SUGCT: variants seen among roughly 807,000 people sequenced by gnomAD.
SUGCT encodes the protein succinyl-CoA:glutarate-CoA transferase, also known as succinyl-CoA:glutarate CoA-transferase.
A neutral mutation model predicts 55.0 loss-of-function variants in SUGCT; 41 were observed. The observed-to-expected ratio is 0.74, with a 90% CI of 0.58 to 0.97. The LOEUF (loss-of-function observed/expected upper bound fraction) is 0.97. SUGCT is among the 50% of genes least tolerant of loss of function. The pLI is 0.00. For synonymous variants in SUGCT, 187 were observed against 200.4 expected, an observed-to-expected ratio of 0.93 and a Z score of 0.56; for missense variants, 568 against 547.8, an observed-to-expected ratio of 1.04 and a Z score of -0.37.
At chr7:40,944,147 T>G in the SUGCT span, among the ~76,000 whole-genome samples, 234 of 152,324 alleles carry the variant, frequency 1.5e-3, no homozygotes, top group African/African-American at 5.5e-3. Flanking sequence ...TTCTTGTAAA[T>G]TTGTTTGAAT....
chr7:40,639,494 A>G (rs929709932), intron 12 of SUGCT, among the ~76,000 whole-genome samples: 3 of 151,764 alleles, frequency 2.0e-5, no homozygotes, highest in Non-Finnish European at 4.4e-5. Flanking sequence ...AAGAAAGGTA[A>G]TAATATATGC....
At chr7:40,842,381 C>CA (rs1038035903) in intron 13 of SUGCT, among the ~76,000 whole-genome samples, 7 of 152,036 alleles carry the variant, frequency 4.6e-5, no homozygotes, top group Admixed American at 3.9e-4. Flanking sequence ...TAAAGTCTGA[C>CA]AGTGTTTTCC....
At chr7:40,890,875 G>A in the SUGCT span, among the ~76,000 whole-genome samples, 1 of 152,124 alleles carries the variant, frequency 6.6e-6, no homozygotes, top group African/African-American at 2.4e-5. Flanking sequence ...TCTTAAAGAA[G>A]TTCAGTGAGA....
chr7:40,775,055 A>G (rs1789384758), intron 13 of SUGCT, among the ~76,000 whole-genome samples: 3 of 152,192 alleles, frequency 2.0e-5, no homozygotes, highest in Admixed American at 6.5e-5. Context: ...TGGAATTTCA[A>G]CTGTGGTGTT....
intron 13 of SUGCT, among the ~76,000 whole-genome samples, chr7:40,844,668 G>A (rs559722405): frequency 6.6e-4 from 101 of 152,314 alleles, no homozygotes; most frequent in Non-Finnish European, 1.2e-3. Context: ...GGATGTTAAA[G>A]TTCTCATTTT....
chr7:40,431,595 T>A (rs1435332936), intron 9 of SUGCT, among the ~76,000 whole-genome samples: 1 of 152,196 alleles, frequency 6.6e-6, no homozygotes, highest in Non-Finnish European at 1.5e-5. Flanking sequence ...TCTTTTATTC[T>A]GTTTTCAGTT....
intron 9 of SUGCT, among the ~76,000 whole-genome samples, chr7:40,322,818 T>C (rs1044416951): frequency 1.3e-5 from 2 of 152,014 alleles, no homozygotes; most frequent in Non-Finnish European, 2.9e-5. Context: ...CTAGGCATGA[T>C]GGCACAAGCC....
At chr7:40,649,442 T>C (rs1800672248) in intron 12 of SUGCT, among the ~76,000 whole-genome samples, 1 of 152,210 alleles carries the variant, frequency 6.6e-6, no homozygotes, top group African/African-American at 2.4e-5. Flanking sequence ...TTGCCCTAAG[T>C]TACTAGATAA....
chr7:40,511,069 A>G lies in SUGCT; in HGVS notation c.1089+14683A>G, dbSNP rs1050348456. Among the ~76,000 whole-genome samples the G allele has an allele frequency of 2.6e-5, 4 of 152,200 alleles. No homozygotes were observed. In the South Asian group the frequency reaches 6.2e-4, roughly 24 times the overall value. Reference sequence around the variant, plus strand: ...TAGATAGAGTGCTGTTGCTGTGTACATAGTTTTCACAGTTAGACATAGTAT... The same window carrying G: ...TAGATAGAGTGCTGTTGCTGTGTACGTAGTTTTCACAGTTAGACATAGTAT... On this transcript the variant is annotated intron_variant, in intron 12 of 13. Coordinates refer to ENST00000335693, the MANE Select transcript of SUGCT (RefSeq NM_001193313.2).
intron 13 of SUGCT, among the ~76,000 whole-genome samples, chr7:40,812,342 A>C (rs756911413): frequency 6.6e-5 from 10 of 152,112 alleles, no homozygotes; most frequent in African/African-American, 2.4e-4. Flanking sequence ...CTGTGAATTC[A>C]TCTGGTCTGG....
At chr7:40,727,052 ATATAT>A (rs1786647698) in intron 12 of SUGCT, among the ~76,000 whole-genome samples, 1 of 152,210 alleles carries the variant, frequency 6.6e-6, no homozygotes, top group Non-Finnish European at 1.5e-5. Flanking sequence ...ATAATGACTA[ATATAT>A]TAGTAGTCAT....
rs371146668 is a variant in SUGCT at position 40,235,189 on chromosome 7, G to A, written c.485-2446G>A. On this transcript the variant is annotated intron_variant, in intron 6 of 13. Coordinates refer to ENST00000335693, the MANE Select transcript of SUGCT (RefSeq NM_001193313.2). ...ATATTAAGTGATAATTTTATCTGTG[G>A]AGTTTGTTTTACATACTCTTATTTG... is the stretch of plus-strand genomic sequence containing the variant. Among the ~76,000 whole-genome samples, 23 of 151,790 alleles carry A rather than the reference G, an allele frequency of 1.5e-4. No homozygotes were observed. In the South Asian group the frequency reaches 4.8e-3, roughly 32 times the overall value.
intron 12 of SUGCT, among the ~76,000 whole-genome samples, chr7:40,698,208 G>A (rs920848102): frequency 2.0e-5 from 3 of 152,214 alleles, no homozygotes; most frequent in African/African-American, 7.2e-5. Flanking sequence ...AGAGGTAAAG[G>A]TGGTATCTAT....
At chr7:40,648,832 T>C (rs910685670) in intron 12 of SUGCT, among the ~76,000 whole-genome samples, 15 of 152,148 alleles carry the variant, frequency 9.9e-5, no homozygotes, top group Admixed American at 8.5e-4. Context: ...TTCAGAGCCT[T>C]CAGAGGGAGC....
chr7:40,578,327 C>T (rs1198175686), intron 12 of SUGCT, among the ~76,000 whole-genome samples: 1 of 152,182 alleles, frequency 6.6e-6, no homozygotes, highest in African/African-American at 2.4e-5. Context: ...ACATTGAAAA[C>T]TCCTGAGTAC....
chr7:40,961,302 C>G, the SUGCT span, among the ~76,000 whole-genome samples: 1 of 152,216 alleles, frequency 6.6e-6, no homozygotes, highest in Non-Finnish European at 1.5e-5. Context: ...GGATCACACA[C>G]AGTGCCACAC....
At chr7:40,281,239 C>G (rs915211817) in intron 8 of SUGCT, among the ~76,000 whole-genome samples, 3 of 150,680 alleles carry the variant, frequency 2.0e-5, no homozygotes, top group Non-Finnish European at 3.0e-5. Flanking sequence ...GAGAAAAGCC[C>G]GTGAATGTAC....
At chr7:40,167,911 T>C (rs914704416) in intron 1 of SUGCT, among the ~76,000 whole-genome samples, 2 of 152,156 alleles carry the variant, frequency 1.3e-5, no homozygotes, top group African/African-American at 4.8e-5. Context: ...CAAGATTTAA[T>C]AGAGTGAAAA....
At chr7:40,235,460 T>C (rs1265818724) in intron 6 of SUGCT, among the ~76,000 whole-genome samples, 1 of 152,136 alleles carries the variant, frequency 6.6e-6, no homozygotes, top group East Asian at 1.9e-4. Context: ...CCCAAGTAGC[T>C]GGACTACGGG....
Sources: gnomAD v4.1 joint callset for allele counts (sites outside exome capture counted in the v4.1 genomes callset) on GRCh38, gnomAD v4.1.1 for gene constraint, MANE v1.5 for transcripts, NCBI Gene and HGNC (gene_info 2026-07-23, HGNC 2026-07-21) for gene names.